Variants in EYS observed in about 807,000 individuals in gnomAD.
EYS encodes protein eyes shut homolog.
A neutral mutation model predicts 282.1 loss-of-function variants in EYS; 250 were observed. The ratio of observed to expected loss-of-function variants is 0.89; its 90% CI spans 0.80 to 0.98. EYS has a LOEUF of 0.98. Ranked by LOEUF, EYS falls within the 50% of genes least tolerant of loss-of-function variation. EYS has a pLI of 0.00. For synonymous variants in EYS, 1,355 were observed against 1,282.9 expected (o/e 1.06, Z -1.20); for missense variants, 4,016 against 3,709.0 (o/e 1.08, Z -2.15).
intron 40 of EYS, among the ~76,000 whole-genome samples, chr6:63,772,766 G>T (rs6928683): frequency 6.6e-6 from 1 of 151,860 alleles, no homozygotes; most frequent in Non-Finnish European, 1.5e-5. Flanking sequence ...AATAAAAACT[G>T]TAAAGCAAAT....
At chr6:65,076,337 A>G (rs941335425) in intron 12 of EYS, among the ~76,000 whole-genome samples, 2 of 152,030 alleles carry the variant, frequency 1.3e-5, no homozygotes, top group East Asian at 1.9e-4. Context: ...AAAATATATC[A>G]TACATATTGA....
chr6:64,118,604 A>C (rs1429645057), intron 31 of EYS, among the ~76,000 whole-genome samples: 1 of 152,098 alleles, frequency 6.6e-6, no homozygotes, highest in Non-Finnish European at 1.5e-5. Context: ...TAAGTTAAAC[A>C]CTTCAGAACA....
At chr6:63,740,049 A>G (rs1769033972) in intron 41 of EYS, among the ~76,000 whole-genome samples, 1 of 152,272 alleles carries the variant, frequency 6.6e-6, no homozygotes, top group Admixed American at 6.5e-5. Flanking sequence ...GAAAATATTC[A>G]GCACTTTTGG....
intron 5 of EYS, among the ~76,000 whole-genome samples, chr6:65,474,613 A>G (rs1443398387): frequency 6.6e-6 from 1 of 152,182 alleles, no homozygotes; most frequent in African/African-American, 2.4e-5. Flanking sequence ...AGCATCAGCA[A>G]CATCTAAGCC....
chr6:64,566,701 TAAAAG>T (rs1765576386), intron 26 of EYS, among the ~76,000 whole-genome samples: 3 of 152,114 alleles, frequency 2.0e-5, no homozygotes, highest in African/African-American at 4.8e-5. Context: ...AATCATGTAT[TAAAAG>T]AAAACATGTA....
intron 24 of EYS, among the ~76,000 whole-genome samples, chr6:64,601,137 GTT>G (rs1433501316): frequency 6.6e-6 from 1 of 151,816 alleles, no homozygotes; most frequent in Non-Finnish European, 1.5e-5. Context: ...GTAGCCTCTA[GTT>G]TGGAATTTAT....
At chr6:64,911,631 T>C (rs10806494) in intron 16 of EYS, among the ~76,000 whole-genome samples, 6,287 of 151,988 alleles carry the variant, frequency 0.041, 416 homozygotes, top group African/African-American at 0.14. Flanking sequence ...CCACAGTGAG[T>C]ATTAGAAAAT....
intron 22 of EYS, among the ~76,000 whole-genome samples, chr6:64,656,142 G>T (rs1342865506): frequency 1.3e-5 from 2 of 152,064 alleles, no homozygotes; most frequent in South Asian, 2.1e-4. Context: ...CCATGGACAA[G>T]ATCTTTGTAG....
chr6:63,735,442 T>A lies in EYS; in HGVS notation c.8072-8762A>T, dbSNP rs145839739. 8.4e-3 allele frequency among the ~76,000 whole-genome samples: 1,270 copies of A among 152,094 alleles called. 8 individuals carry two copies. The highest frequency in any genetic ancestry group is 0.017 in the Admixed American group (265 of 15,236). ...TATTTTATTGCATTTTCTCATCTTT[T>A]TCGTTCTCTCATTTCCTGTCTCTGT... On this transcript the variant is annotated intron_variant, in intron 41 of 42. Coordinates refer to ENST00000503581, the MANE Select transcript of EYS (RefSeq NM_001142800.2).
intron 12 of EYS, among the ~76,000 whole-genome samples, chr6:65,076,842 G>A (rs999226629): frequency 6.6e-6 from 1 of 151,930 alleles, no homozygotes; most frequent in African/African-American, 2.4e-5. Flanking sequence ...TGAATAGCAT[G>A]TATTCATTGA....
At chr6:64,002,615 G>A (rs979001889) in intron 33 of EYS, among the ~76,000 whole-genome samples, 2 of 152,152 alleles carry the variant, frequency 1.3e-5, no homozygotes, top group African/African-American at 4.8e-5. Flanking sequence ...TTGAGCTGCA[G>A]GGTGACCAAA....
intron 36 of EYS, among the ~76,000 whole-genome samples, chr6:63,814,721 A>G (rs924003623): frequency 6.6e-6 from 1 of 152,196 alleles, no homozygotes; most frequent in African/African-American, 2.4e-5. Flanking sequence ...GATGTTTTAT[A>G]GTATCACAAA....
At chr6:63,905,734 A>G (rs2149734430) in intron 35 of EYS, among the ~76,000 whole-genome samples, 1 of 152,346 alleles carries the variant, frequency 6.6e-6, no homozygotes, top group Admixed American at 6.5e-5. Context: ...CCAGTGGACT[A>G]GAATTTGCCT....
chr6:65,567,769 T>C (rs575994402), intron 2 of EYS, among the ~76,000 whole-genome samples: 3 of 152,254 alleles, frequency 2.0e-5, no homozygotes, highest in African/African-American at 7.2e-5. Context: ...TTAACCAGTT[T>C]CTTTTCTAAG....
rs71551553 is a variant in EYS at position 64,000,168 on chromosome 6, CTTTTTTTTTTTTTTT to C, written c.6726-1000_6726-986del. On this transcript the variant is annotated intron_variant, in intron 33 of 42. Transcript: ENST00000503581. ...CTGAGGAGTTTCCCAAGACATGGGA[CTTTTTTTTTTTTTTT>C]TTTTTTTTTTTTTTTTTTTTTTTTT... 1.8e-3 allele frequency among the ~76,000 whole-genome samples: 78 copies of C among 42,706 alleles called. 1 individual carries two copies. The highest frequency in any genetic ancestry group is 4.0e-3 in the South Asian group (4 of 994). The allele number at this position is 42,706 out of a possible 152,430, so 28.0% of individuals were successfully genotyped here. A position where few individuals can be genotyped will look rare whatever the true frequency, so the allele number is the denominator to read the frequency against.
intron 19 of EYS, among the ~76,000 whole-genome samples, chr6:64,838,927 T>C (rs1468594055): frequency 1.3e-5 from 2 of 152,034 alleles, no homozygotes; most frequent in African/African-American, 2.4e-5. Context: ...TGCAGCTCCA[T>C]GGTAAATTGT....
At chr6:64,480,684 T>A (rs1776412310) in intron 26 of EYS, among the ~76,000 whole-genome samples, 1 of 151,858 alleles carries the variant, frequency 6.6e-6, no homozygotes, top group Non-Finnish European at 1.5e-5. Context: ...GTAAACGTTA[T>A]AAATCTCAAA....
intron 28 of EYS, among the ~76,000 whole-genome samples, chr6:64,399,994 A>G (rs1381393420): frequency 6.6e-6 from 1 of 151,972 alleles, no homozygotes; most frequent in African/African-American, 2.4e-5. Context: ...TCAGGTGATT[A>G]GCCTTTGACT....
At chr6:65,080,826 T>A (rs1774211874) in intron 12 of EYS, among the ~76,000 whole-genome samples, 1 of 152,162 alleles carries the variant, frequency 6.6e-6, no homozygotes, top group Non-Finnish European at 1.5e-5. Flanking sequence ...TTTTCTAATA[T>A]TTCATAAGCA....
Sources: gnomAD v4.1 joint callset for allele counts (sites outside exome capture counted in the v4.1 genomes callset) on GRCh38, gnomAD v4.1.1 for gene constraint, MANE v1.5 for transcripts, NCBI Gene and HGNC (gene_info 2026-07-23, HGNC 2026-07-21) for gene names.